ARHGAP44: variants seen among roughly 807,000 people sequenced by gnomAD.
ARHGAP44 encodes Rho GTPase activating protein 44, also known as rho GTPase-activating protein 44.
Under a neutral mutation model 106.8 loss-of-function variants are expected in ARHGAP44, and 43 were observed. That is an observed-to-expected ratio of 0.40 (90% CI 0.32 to 0.52). The LOEUF is 0.52. Among genes scored for constraint, ARHGAP44 ranks in the 20% least tolerant of loss-of-function variants. ARHGAP44 has a pLI of 0.48. For missense variants in ARHGAP44, 866 were observed against 1,050.5 expected (o/e 0.82, Z 2.43); for synonymous variants, 439 against 410.3 (o/e 1.07, Z -0.85).
chr17:12,796,292 G>A lies in ARHGAP44; in HGVS notation c.53+6401G>A, dbSNP rs149267966. On this transcript the variant is annotated intron_variant, in intron 1 of 20. Transcript: ENST00000379672. ...TTAATCCCCAGCATAATTTTTGAAG[G>A]CTATACAGTATTCCACTGTAGTTAA... is the stretch of plus-strand genomic sequence containing the variant. Among the ~76,000 whole-genome samples the A allele has an allele frequency of 1.4e-3, 214 of 152,072 alleles. 6 individuals are homozygous for A. In the East Asian group the frequency reaches 0.036, roughly 25 times the overall value.
At chr17:12,879,725 T>A (rs937012929) in intron 1 of ARHGAP44, among the ~76,000 whole-genome samples, 1 of 149,882 alleles carries the variant, frequency 6.7e-6, no homozygotes. Context: ...TTAAAAAATA[T>A]ATATATATAC....
intron 1 of ARHGAP44, among the ~76,000 whole-genome samples, chr17:12,878,872 C>G (rs1165270630): frequency 2.0e-5 from 3 of 152,204 alleles, no homozygotes. Flanking sequence ...TTTTTAAGAA[C>G]AAATTTAAGC....
intron 1 of ARHGAP44, 196 bp downstream of exon 1, chr17:12,790,087 G>T: frequency 2.0e-6 from 1 of 497,800 alleles, no homozygotes; most frequent in Non-Finnish European, 3.5e-6. Context: ...CTTCTCACTC[G>T]CCGCCTTCTG....
At chr17:12,842,372 A>G (rs980128383) in intron 1 of ARHGAP44, among the ~76,000 whole-genome samples, 1 of 148,072 alleles carries the variant, frequency 6.8e-6, no homozygotes, top group Admixed American at 6.8e-5. Flanking sequence ...AGCCATGATC[A>G]TGCCACTGCA....
At chr17:12,916,301 C>G (rs370361053) in intron 5 of ARHGAP44, among the ~76,000 whole-genome samples, 2 of 152,168 alleles carry the variant, frequency 1.3e-5, no homozygotes, top group Admixed American at 1.3e-4. Flanking sequence ...GCCTTCATCC[C>G]CACCTTCCAC....
At chr17:12,974,969 C>A (rs184854356) in intron 18 of ARHGAP44, among the ~76,000 whole-genome samples, 1 of 151,936 alleles carries the variant, frequency 6.6e-6, no homozygotes, top group African/African-American at 2.4e-5. Context: ...CCTGCCTCAG[C>A]CTCCCAAGTA....
At chr17:12,971,049 C>G (rs116672898) in intron 16 of ARHGAP44, among the ~76,000 whole-genome samples, 74 of 152,310 alleles carry the variant, frequency 4.9e-4, no homozygotes, top group African/African-American at 1.8e-3. Flanking sequence ...CACAGTGGAA[C>G]ATGTGATGCT....
chr17:12,984,722 C>T lies in ARHGAP44; in HGVS notation c.2131C>T (p.Pro711Ser). 1.2e-6 allele frequency: 2 copies of T among 1,613,918 alleles called. No homozygotes were observed. The highest frequency in any genetic ancestry group is 8.5e-7 in the Non-Finnish European group (1 of 1,179,884). ...GGGCCAGCTCTCCCCAGCTGCAGCT[C>T]CTCCCCTGGCCTCTCCTTCTGTCTT... is the stretch of plus-strand genomic sequence containing the variant. ...ASGQLSPAAAPPLASPSVFTS... is the reference protein window; with the variant it reads ...ASGQLSPAAASPLASPSVFTS... Residue 711 changes from proline to serine, a missense_variant, in exon 20 of 21, where the codon CCT becomes TCT. By Grantham distance (74) the Pro-to-Ser change is moderately conservative. Transcript: ENST00000379672.
At chr17:12,881,612 C>A (rs1273654288) in intron 1 of ARHGAP44, among the ~76,000 whole-genome samples, 1 of 152,166 alleles carries the variant, frequency 6.6e-6, no homozygotes, top group Non-Finnish European at 1.5e-5. Context: ...GAAGCTCCCT[C>A]AACTTATTCT....
intron 2 of ARHGAP44, among the ~76,000 whole-genome samples, chr17:12,895,236 T>C (rs2037169495): frequency 6.6e-6 from 1 of 152,126 alleles, no homozygotes; most frequent in Admixed American, 6.5e-5. Flanking sequence ...CCTTACGAAC[T>C]GTTAGGAGAG....
At chr17:12,789,966 C>A in intron 1 of ARHGAP44, 75 bp downstream of exon 1, 2 of 1,367,300 alleles carry the variant, frequency 1.5e-6, no homozygotes, top group Non-Finnish European at 2.0e-6. Flanking sequence ...GGTGATGGAG[C>A]CCGCCCAGCC....
At chr17:12,924,384 G>A (rs545422971) in intron 6 of ARHGAP44, among the ~76,000 whole-genome samples, 101 of 152,230 alleles carry the variant, frequency 6.6e-4, no homozygotes, top group African/African-American at 2.3e-3. Context: ...TGAATGATAC[G>A]CAAATTTCTT....
chr17:12,865,764 G>GGGCAACA (rs1724037991), intron 1 of ARHGAP44, among the ~76,000 whole-genome samples: 2 of 150,158 alleles, frequency 1.3e-5, no homozygotes, highest in African/African-American at 4.9e-5. Flanking sequence ...ACTCCAGCCT[G>GGGCAACA]GGCAACAGAG....
rs34860101 is a variant in ARHGAP44, at chr17:12,828,636, C to CTTTTTTTTT, written c.53+38759_53+38767dup. Among the ~76,000 whole-genome samples, 8 of 93,234 alleles carry CTTTTTTTTT rather than the reference C, an allele frequency of 8.6e-5. No individual in the cohort carries two copies. In the East Asian group the frequency reaches 1.9e-3, roughly 22 times the overall value. 61.2% of individuals were successfully genotyped at this position (93,234 alleles called of 152,430 possible). A position where few individuals can be genotyped will look rare whatever the true frequency, so the allele number is the denominator to read the frequency against. ...TTTTCTTTTGGATTTTTTTTTCTTTCTTTTTTTTTTTTTTTTTTTTTTAAA... is the reference window on the plus strand; with the variant it reads ...TTTTCTTTTGGATTTTTTTTTCTTTCTTTTTTTTTTTTTTTTTTTTTTTTTTTTTTTAAA... On this transcript the variant is annotated intron_variant, in intron 1 of 20. Transcript: ENST00000379672.
In ARHGAP44 at chr17:12,979,228, C is replaced by T. The variant is rs182366860; in HGVS notation, c.1764-830C>T. Among the ~76,000 whole-genome samples the T allele has an allele frequency of 3.9e-4, 60 of 152,246 alleles. No individual in the cohort carries two copies. In the East Asian group the frequency reaches 0.011, roughly 28 times the overall value. On this transcript the variant is annotated intron_variant, in intron 18 of 20. Transcript: ENST00000379672. ...ATCAATTAGTAATATCTACCATCAG[C>T]GTATCAGGATGACAAATCCCTGGTT...
rs149305898 is a variant in ARHGAP44 at position 12,906,924 on chromosome 17, G to A, written c.199-1973G>A. 4.6e-3 allele frequency among the ~76,000 whole-genome samples: 691 copies of A among 151,322 alleles called. 10 individuals carry two copies. Among genetic ancestry groups the A allele is most frequent in the African/African-American group, 0.016 (663 of 41,122 alleles). ...CACTGTGCTCTAGCCTGGGAGATAG[G>A]GCCAGACCTTGTATCAAAAAACAAA... is the stretch of plus-strand genomic sequence containing the variant. On this transcript the variant is annotated intron_variant, in intron 3 of 20. Coordinates refer to ENST00000379672, the MANE Select transcript of ARHGAP44 (RefSeq NM_014859.6).
At chr17:12,806,237 TG>T (rs757430663) in intron 1 of ARHGAP44, among the ~76,000 whole-genome samples, 37 of 152,050 alleles carry the variant, frequency 2.4e-4, no homozygotes, top group Non-Finnish European at 8.8e-5. Flanking sequence ...TTGGTTGTAG[TG>T]GGGGCTTGGA....
chr17:12,827,765 A>G (rs145687076), intron 1 of ARHGAP44, among the ~76,000 whole-genome samples: 1 of 152,094 alleles, frequency 6.6e-6, no homozygotes. Context: ...ATTGATTTTT[A>G]AAAAAATTAG....
chr17:12,956,643 C>G lies in ARHGAP44; in HGVS notation c.1251-12C>G. ...TAACTCCACCCTGTTTGCCTCTGCT[C>G]TCTGCTTACAGGAACATTACAGAGA... On this transcript the variant is annotated splice_polypyrimidine_tract_variant and intron_variant, in intron 14 of 20. Coordinates refer to ENST00000379672, the MANE Select transcript of ARHGAP44 (RefSeq NM_014859.6). 6.2e-7 allele frequency: 1 copy of G among 1,613,136 alleles called. No individual in the cohort carries two copies. The highest frequency in any genetic ancestry group is 8.5e-7 in the Non-Finnish European group (1 of 1,179,170).
Sources: allele counts gnomAD v4.1 joint callset (sites outside exome capture counted in the v4.1 genomes callset), GRCh38; gene constraint gnomAD v4.1.1; transcripts MANE v1.5; gene names NCBI Gene and HGNC (gene_info 2026-07-23, HGNC 2026-07-21).